The following STARD9 variants were observed in gnomAD, a reference collection of about 807,000 sequenced individuals.
STARD9 encodes the protein StAR related lipid transfer domain containing 9.
In STARD9, 346 loss-of-function variants were observed where a neutral mutation model predicts 399.8. The ratio of observed to expected loss-of-function variants is 0.87; its 90% CI spans 0.79 to 0.95. The LOEUF is 0.95. Among genes scored for constraint, STARD9 ranks in the 40% least tolerant of loss-of-function variants. The pLI, the probability that STARD9 is intolerant of heterozygous loss-of-function variation, is 0.00. For synonymous variants in STARD9, 2,203 were observed against 2,143.5 expected (o/e 1.03, Z -0.77); for missense variants, 5,832 against 5,667.5 (o/e 1.03, Z -0.93).
intron 3 of STARD9, among the ~76,000 whole-genome samples, chr15:42,607,425 A>G (rs567752885): frequency 2.0e-5 from 3 of 150,486 alleles, no homozygotes; most frequent in Admixed American, 2.0e-4. Context: ...CTGGTCTCAA[A>G]CTCCTGACCT....
At position 42,677,743 on chromosome 15, in the gene STARD9, G is replaced by A. The variant is rs375661371; in HGVS notation, c.1874+1768G>A. ...CCTGTTTCCCTACCTCTAAAGAGAC[G>A]ATACTGCTATCTGTTTTCCAGGGAT... On this transcript the variant is annotated intron_variant, in intron 20 of 32. Transcript: ENST00000290607. Among the ~76,000 whole-genome samples, 17 of 152,312 alleles carry A rather than the reference G, an allele frequency of 1.1e-4. No homozygotes were observed. The East Asian group carries it at 2.3e-3, about 21-fold the overall frequency.
intron 1 of STARD9, among the ~76,000 whole-genome samples, chr15:42,580,163 A>T (rs896984022): frequency 1.3e-5 from 2 of 152,262 alleles, no homozygotes; most frequent in African/African-American, 4.8e-5. Context: ...GACAGAAGAC[A>T]TTCCTCCCAG....
intron 3 of STARD9, among the ~76,000 whole-genome samples, chr15:42,616,549 G>A (rs1369262718): frequency 7.9e-5 from 12 of 152,170 alleles, no homozygotes; most frequent in Admixed American, 7.9e-4. Context: ...CAAGAGCTTT[G>A]TTTAGAAGTA....
intron 3 of STARD9, among the ~76,000 whole-genome samples, chr15:42,586,092 A>G (rs924284185): frequency 3.3e-5 from 5 of 152,204 alleles, no homozygotes; most frequent in East Asian, 1.9e-4. Flanking sequence ...CAAGACATCA[A>G]AGTTGGCTAG....
In STARD9 at chr15:42,663,904, C is replaced by T. The variant is rs1434117220; in HGVS notation, c.1163C>T (p.Pro388Leu). 4.6e-6 allele frequency: 7 copies of T among 1,535,060 alleles called. No homozygotes were observed. Among genetic ancestry groups the T allele is most frequent in the Non-Finnish European group, 6.1e-6 (7 of 1,144,936 alleles). Residue 388 changes from proline to leucine, a missense_variant, in exon 13 of 33, where the codon CCA (proline) becomes CTA (leucine). Transcript: ENST00000290607. ...ASSAKNIINK[P>L]RVNEDANLKL... Reference sequence around the variant, plus strand: ...AGTGCCAAAAACATTATCAACAAGCCACGAGTAAATGAGGTGAGACCTTTT... The same window carrying T: ...AGTGCCAAAAACATTATCAACAAGCTACGAGTAAATGAGGTGAGACCTTTT...
Position 42,669,354 on chromosome 15 carries a change from A to T in STARD9, c.1497+17A>T. 1 of 1,498,340 alleles carries T rather than the reference A, an allele frequency of 6.7e-7. No individual in the cohort carries two copies. Among genetic ancestry groups the T allele is most frequent in the Non-Finnish European group, 9.0e-7 (1 of 1,116,626 alleles). The allele number at this position is 1,498,340 out of a possible 1,614,324, so 92.8% of individuals were successfully genotyped here. The stretch of plus-strand genomic sequence containing the variant: ...CATCTCAAGGTGAGGAGGCTAGTGT[A>T]TCCTTTTCTTCCTAAGCCACTGGTT... On this transcript the variant is annotated intron_variant, in intron 16 of 32. Transcript: ENST00000290607.
intron 4 of STARD9, among the ~76,000 whole-genome samples, chr15:42,636,395 A>G (rs546440901): frequency 2.6e-5 from 4 of 152,114 alleles, no homozygotes; most frequent in Non-Finnish European, 5.9e-5. Context: ...AGCCTGGCCA[A>G]TATGGTGAAA....
rs935037719 is a variant in STARD9, at chr15:42,695,457, C to G, written c.13146+134C>G. On this transcript the variant is annotated intron_variant, in intron 25 of 32. Coordinates refer to ENST00000290607, the MANE Select transcript of STARD9 (RefSeq NM_020759.3). The stretch of plus-strand genomic sequence containing the variant: ...GGCTGTGGGACCCCTGTTGTCAACT[C>G]AAAGCTGGGCTCACTGTCTTTTTAC... The G allele has an allele frequency of 2.2e-5, 20 of 893,040 alleles. No individual in the cohort carries two copies. In the East Asian group the frequency reaches 4.8e-4, roughly 21 times the overall value. 55.3% of individuals were successfully genotyped at this position (893,040 alleles called of 1,614,324 possible).
Position 42,575,760 on chromosome 15 carries a change from G to C in STARD9, c.45G>C (p.Lys15Asn), listed in dbSNP as rs1193083302. 1 of 1,536,952 alleles carries C rather than the reference G, an allele frequency of 6.5e-7. No homozygotes were observed. The highest frequency in any genetic ancestry group is 1.2e-5 in the South Asian group (1 of 84,062). ...QVAVRVRPLS[K>N]RETKEGGRII... is the part of the protein sequence containing the mutation. ...CCGTGCGGGTCCGGCCGCTCAGCAA[G>C]AGGTGAGTCTCCGCGGGAGAGGGCG... is the stretch of plus-strand genomic sequence containing the variant. The change falls in exon 1 of 33, where the codon AAG becomes AAC. Residue 15 changes from lysine to asparagine, a missense_variant and splice_region_variant. Coordinates refer to ENST00000290607, the MANE Select transcript of STARD9 (RefSeq NM_020759.3).
intron 3 of STARD9, among the ~76,000 whole-genome samples, chr15:42,610,754 C>T (rs2058831583): frequency 6.6e-6 from 1 of 152,098 alleles, no homozygotes. Flanking sequence ...GCCATGTTGG[C>T]CAGGCTGGTC....
Position 42,689,986 on chromosome 15 carries a change from CT to C in STARD9, c.8409del (p.Ala2804HisfsTer14). 7.2e-6 allele frequency: 11 copies of C among 1,537,448 alleles called. No homozygotes were observed. The highest frequency in any genetic ancestry group is 9.6e-6 in the Non-Finnish European group (11 of 1,146,978). ...YGEVSDNLLV[T>X]AQGEKTAHFE... is the part of the protein sequence containing the mutation. Reference sequence around the variant, plus strand: ...GAAGTTTCAGATAATTTGTTAGTGACTGCACAGGGAGAAAAAACAGCCCATT... The same window carrying C: ...GAAGTTTCAGATAATTTGTTAGTGACGCACAGGGAGAAAAAACAGCCCATT... On this transcript the variant is annotated frameshift_variant, in exon 23 of 33. Transcript: ENST00000290607. LOFTEE classifies it high-confidence loss of function.
chr15:42,700,573 G>A (rs944881549), intron 26 of STARD9, among the ~76,000 whole-genome samples: 35 of 152,150 alleles, frequency 2.3e-4, no homozygotes, highest in African/African-American at 8.2e-4. Context: ...CCATTTGAAT[G>A]TCTTTTTTTG....
At position 42,719,547 on chromosome 15, in the gene STARD9, C is replaced by T; in HGVS notation, c.14076C>T (p.Ala4692=). 1 of 1,536,938 alleles carries T rather than the reference C, an allele frequency of 6.5e-7. No individual in the cohort carries two copies. The highest frequency in any genetic ancestry group is 8.7e-7 in the Non-Finnish European group (1 of 1,146,688). ...TCAAACGGCAGCCACTGGTTATAGCCAGACTGGCTTCCTTCCTTGGTAGGT... is the reference window on the plus strand; with the variant it reads ...TCAAACGGCAGCCACTGGTTATAGCTAGACTGGCTTCCTTCCTTGGTAGGT... The part of the protein sequence containing the change: ...SFIKRQPLVI[A]RLASFLGR The change falls in exon 33 of 33, where the codon GCC becomes GCT. Residue 4692 remains alanine (A), a synonymous_variant. Transcript: ENST00000290607.
chr15:42,669,008 G>A, intron 15 of STARD9, 150 bp from the exon 16 acceptor site: 2 of 560,464 alleles, frequency 3.6e-6, no homozygotes, highest in Non-Finnish European at 5.7e-6. Context: ...GTTGGAGGAG[G>A]TACAAGGGCT....
chr15:42,651,704 A>G (rs2059766497), intron 8 of STARD9, among the ~76,000 whole-genome samples: 1 of 152,090 alleles, frequency 6.6e-6, no homozygotes, highest in African/African-American at 2.4e-5. Flanking sequence ...GGACCAAGTT[A>G]ATTGAACATA....
Position 42,693,875 on chromosome 15 carries a change from C to G in STARD9, c.12297C>G (p.Leu4099=). ...PVSELTDTAG[L]RGSALGLPQA... ...CTGAGTTGACTGATACTGCAGGGCT[C>G]CGAGGTTCTGCCTTGGGCCTCCCTC... Residue 4099 remains leucine, a synonymous_variant, in exon 23 of 33, where the codon CTC becomes CTG. Coordinates refer to ENST00000290607, the MANE Select transcript of STARD9 (RefSeq NM_020759.3). 6.5e-7 allele frequency: 1 copy of G among 1,534,754 alleles called. No individual in the cohort carries two copies. Among genetic ancestry groups the G allele is most frequent in the Non-Finnish European group, 8.7e-7 (1 of 1,145,246 alleles).
intron 7 of STARD9, among the ~76,000 whole-genome samples, chr15:42,642,194 C>A (rs2059552222): frequency 6.6e-6 from 1 of 152,130 alleles, no homozygotes; most frequent in African/African-American, 2.4e-5. Context: ...CTACAAGATG[C>A]CTATACTATT....
chr15:42,657,906 T>C (rs1236826232), intron 9 of STARD9, among the ~76,000 whole-genome samples: 2 of 152,210 alleles, frequency 1.3e-5, no homozygotes, highest in Non-Finnish European at 2.9e-5. Context: ...GGGAGAACAA[T>C]TGGATGTCTA....
chr15:42,669,450 AC>A, intron 16 of STARD9, 113 bp downstream of exon 16: 1 of 987,610 alleles, frequency 1.0e-6, no homozygotes, highest in Non-Finnish European at 1.4e-6. Context: ...GACAGATGCT[AC>A]AGAGCTGCCT....
Sources: gnomAD v4.1 joint callset for allele counts (sites outside exome capture counted in the v4.1 genomes callset) on GRCh38, gnomAD v4.1.1 for gene constraint, MANE v1.5 for transcripts, NCBI Gene and HGNC (gene_info 2026-07-23, HGNC 2026-07-21) for gene names.